ASTN2: variants seen among roughly 807,000 people sequenced by gnomAD.
The protein encoded by ASTN2 is astrotactin 2.
Under a neutral mutation model 139.8 loss-of-function variants are expected in ASTN2, and 54 were observed. The observed-to-expected ratio is 0.39, with a 90% confidence interval of 0.31 to 0.48. The LOEUF (loss-of-function observed/expected upper bound fraction) is 0.48, where lower values mean the gene tolerates loss of function less well. ASTN2 is among the 20% of genes least tolerant of loss of function. The pLI is 0.95. For missense variants in ASTN2, 1,565 were observed against 1,725.1 expected (o/e 0.91, Z 1.64); for synonymous variants, 756 against 719.5 (o/e 1.05, Z -0.81).
chr9:116,519,853 G>T (rs549492782), intron 19 of ASTN2, among the ~76,000 whole-genome samples: 2 of 151,844 alleles, frequency 1.3e-5, no homozygotes, highest in Non-Finnish European at 2.9e-5. Context: ...AAACACAAAG[G>T]ATTATTCAAG....
At chr9:116,726,041 A>G in intron 15 of ASTN2, 91 bp from the exon 16 acceptor site, 1 of 1,303,468 alleles carries the variant, frequency 7.7e-7, no homozygotes, top group East Asian at 2.3e-5. Context: ...CCCAACCTGT[A>G]TTTTGTGCCT....
At chr9:116,603,898 T>G (rs1236069666) in intron 19 of ASTN2, among the ~76,000 whole-genome samples, 1 of 152,164 alleles carries the variant, frequency 6.6e-6, no homozygotes, top group Non-Finnish European at 1.5e-5. Context: ...GGCGAGGGGT[T>G]GATAGTCTTG....
At chr9:117,052,073 G>C (rs139244232) in intron 5 of ASTN2, among the ~76,000 whole-genome samples, 126 of 152,220 alleles carry the variant, frequency 8.3e-4, no homozygotes, top group African/African-American at 3.0e-3. Flanking sequence ...GTCATGCTTT[G>C]GTTGACCTTC....
chr9:116,822,469 GAC>G (rs1295504288), intron 11 of ASTN2, among the ~76,000 whole-genome samples: 1 of 152,186 alleles, frequency 6.6e-6, no homozygotes, highest in African/African-American at 2.4e-5. Flanking sequence ...TTCACTGTCA[GAC>G]AAGAGGGCAC....
At chr9:116,704,957 T>A (rs994298320) in intron 16 of ASTN2, among the ~76,000 whole-genome samples, 1 of 152,210 alleles carries the variant, frequency 6.6e-6, no homozygotes, top group Non-Finnish European at 1.5e-5. Flanking sequence ...AAATTTTTTT[T>A]AAAACCTTAG....
chr9:117,057,048 T>C (rs1218541824), intron 5 of ASTN2, among the ~76,000 whole-genome samples: 1 of 152,198 alleles, frequency 6.6e-6, no homozygotes, highest in East Asian at 1.9e-4. Context: ...GCTTGATAAT[T>C]ATCAGCTCTT....
intron 3 of ASTN2, among the ~76,000 whole-genome samples, chr9:117,163,234 C>T (rs944148777): frequency 1.3e-5 from 2 of 152,036 alleles, no homozygotes; most frequent in Non-Finnish European, 2.9e-5. Flanking sequence ...GGGAGGCCCA[C>T]CTTTGAGTGG....
intron 15 of ASTN2, among the ~76,000 whole-genome samples, chr9:116,727,812 C>A (rs540308986): frequency 6.6e-6 from 1 of 152,262 alleles, no homozygotes; most frequent in African/African-American, 2.4e-5. Flanking sequence ...GTATACTTAT[C>A]TGAAGAAAAA....
At chr9:116,561,153 CCAAA>C (rs1852893351) in intron 19 of ASTN2, among the ~76,000 whole-genome samples, 1 of 152,026 alleles carries the variant, frequency 6.6e-6, no homozygotes, top group African/African-American at 2.4e-5. Context: ...CACAAATCGT[CCAAA>C]CACTCGCACC....
At chr9:116,509,211 A>C (rs566189360) in intron 19 of ASTN2, among the ~76,000 whole-genome samples, 1 of 151,998 alleles carries the variant, frequency 6.6e-6, no homozygotes, top group African/African-American at 2.4e-5. Flanking sequence ...TCCTGTGCCC[A>C]AGTGTTCTCA....
chr9:117,219,430 T>C (rs73533200), intron 2 of ASTN2, among the ~76,000 whole-genome samples: 190 of 152,108 alleles, frequency 1.2e-3, no homozygotes, highest in African/African-American at 4.4e-3. Flanking sequence ...CCTAGGAAGA[T>C]GGCTGTGAAT....
intron 2 of ASTN2, among the ~76,000 whole-genome samples, chr9:117,244,606 G>A (rs1833319292): frequency 8.8e-6 from 1 of 113,710 alleles, no homozygotes; most frequent in African/African-American, 3.5e-5. Flanking sequence ...AGGGAGGGAG[G>A]AGAGGGAGGG....
At chr9:116,475,872 C>T (rs58302087) in intron 20 of ASTN2, among the ~76,000 whole-genome samples, 8,599 of 152,232 alleles carry the variant, frequency 0.056, 323 homozygotes, top group East Asian at 0.16. Flanking sequence ...CTCCTACTTT[C>T]CCTGGCCTTC....
intron 19 of ASTN2, among the ~76,000 whole-genome samples, chr9:116,553,842 C>T (rs1202941135): frequency 6.6e-6 from 1 of 152,080 alleles, no homozygotes; most frequent in African/African-American, 2.4e-5. Flanking sequence ...TGACCTTAGG[C>T]AAAAATTGAA....
chr9:116,867,248 T>C (rs1052519535), intron 10 of ASTN2, among the ~76,000 whole-genome samples: 34 of 150,512 alleles, frequency 2.3e-4, no homozygotes, highest in Non-Finnish European at 4.9e-4. Flanking sequence ...ACAGAACAAA[T>C]GTGTAAGTGT....
At chr9:116,452,554 G>A (rs1466887620) in intron 20 of ASTN2, among the ~76,000 whole-genome samples, 1 of 152,242 alleles carries the variant, frequency 6.6e-6, no homozygotes, top group Non-Finnish European at 1.5e-5. Flanking sequence ...CACAGTGCTA[G>A]AAGCTTTTAC....
chr9:117,128,807 A>G (rs141826097), intron 4 of ASTN2, among the ~76,000 whole-genome samples: 77 of 152,346 alleles, frequency 5.1e-4, no homozygotes, highest in Non-Finnish European at 9.3e-4. Context: ...AAGCCTCACA[A>G]TCATGGCGGA....
At chr9:117,372,185 A>G (rs1830008051) in intron 1 of ASTN2, among the ~76,000 whole-genome samples, 2 of 152,160 alleles carry the variant, frequency 1.3e-5, no homozygotes, top group Admixed American at 1.3e-4. Flanking sequence ...CAGTCAATGC[A>G]ATGACTCAAA....
chr9:116,841,879 T>C (rs963008622), intron 11 of ASTN2, among the ~76,000 whole-genome samples: 1 of 152,178 alleles, frequency 6.6e-6, no homozygotes, highest in African/African-American at 2.4e-5. Context: ...AAGGGAACCA[T>C]ATACAGGGAA....
Sources: gnomAD v4.1 joint callset for allele counts (sites outside exome capture counted in the v4.1 genomes callset) on GRCh38, gnomAD v4.1.1 for gene constraint, MANE v1.5 for transcripts, NCBI Gene and HGNC (gene_info 2026-07-23, HGNC 2026-07-21) for gene names.